The following PEX3 variants were observed in gnomAD, a reference collection of about 807,000 sequenced individuals.
The protein encoded by PEX3 is peroxin-3.
A neutral mutation model predicts 55.8 loss-of-function variants in PEX3; 30 were observed. That is an observed-to-expected ratio of 0.54 (90% CI 0.40 to 0.73). The LOEUF is 0.73. PEX3 is among the 30% of genes least tolerant of loss of function. The probability of loss-of-function intolerance (pLI) is 0.00; values close to 1 mark genes in which losing one functional copy is unlikely to be tolerated. For missense variants in PEX3, 351 were observed against 432.8 expected (o/e 0.81, Z 1.68); for synonymous variants, 135 against 148.4 (o/e 0.91, Z 0.66).
In PEX3 at chr6:143,489,780, C is replaced by T. The variant is rs1780364222; in HGVS notation, c.*554C>T. ...TTTATTCTTATGGAAATAGTGAATT[C>T]CAACAACTATGATGAACTATGTTCT... On this transcript the variant is annotated 3_prime_UTR_variant, in exon 12 of 12. Coordinates refer to ENST00000367591, the MANE Select transcript of PEX3 (RefSeq NM_003630.3). The surrounding 1 kb of genome is among the most constrained non-coding windows in gnomAD (Gnocchi z 5.5). 1 of 151,878 alleles carries T rather than the reference C, an allele frequency of 6.6e-6. No homozygotes were observed. Among genetic ancestry groups the T allele is most frequent in the African/African-American group, 2.4e-5 (1 of 41,384 alleles). The allele number at this position is 151,878 out of a possible 1,614,324, so 9.4% of individuals were successfully genotyped here.
intron 4 of PEX3, among the ~76,000 whole-genome samples, chr6:143,468,794 A>C: frequency 3.2e-5 from 3 of 93,708 alleles, no homozygotes; most frequent in South Asian, 6.4e-4. Context: ...TATATCTCCT[A>C]ATGCTATCCC....
Position 143,465,020 on chromosome 6 carries a change from G to A in PEX3, c.287+2023G>A, listed in dbSNP as rs1779973314. On this transcript the variant is annotated intron_variant, in intron 3 of 11. Transcript: ENST00000367591. This position sits in a 1 kb window ranked among gnomAD's most constrained non-coding sequence, Gnocchi z 4.7. ...GGCACTCTTCTTGAAGACTGATAAT[G>A]GCAATGAAGTTTCAATGGCAAAAAC... 2.6e-5 allele frequency among the ~76,000 whole-genome samples: 4 copies of A among 151,892 alleles called. No homozygotes were observed. The highest frequency in any genetic ancestry group is 2.6e-4 in the Admixed American group (4 of 15,270).
At chr6:143,474,604 A>C (rs956407834) in intron 8 of PEX3, among the ~76,000 whole-genome samples, 182 bp from the exon 9 acceptor site, 1 of 152,132 alleles carries the variant, frequency 6.6e-6, no homozygotes, top group Non-Finnish European at 1.5e-5. Flanking sequence ...CTTAAATTCT[A>C]CTTATTTGCA....
intron 3 of PEX3, 34 bp from the exon 4 acceptor site, chr6:143,468,085 GATT>G (rs919049240): frequency 5.4e-6 from 6 of 1,103,684 alleles, no homozygotes; most frequent in Non-Finnish European, 6.8e-6. Flanking sequence ...AGATTATCTA[GATT>G]ATTATTTTCA....
In PEX3 at chr6:143,474,767, T is replaced by C. The variant is rs764533485; in HGVS notation, c.748-19T>C. The C allele has an allele frequency of 1.4e-6, 2 of 1,383,540 alleles. No homozygotes were observed. The highest frequency in any genetic ancestry group is 2.3e-5 in the East Asian group (1 of 43,746). 85.7% of individuals were successfully genotyped at this position (1,383,540 alleles called of 1,614,324 possible). ...TGCTAATGTTTGAAAACCTTAAGTG[T>C]GACATTTTAATTCTATAGGCCTGTG... On this transcript the variant is annotated intron_variant, in intron 8 of 11. Transcript: ENST00000367591.
intron 2 of PEX3, among the ~76,000 whole-genome samples, chr6:143,460,681 G>A (rs1389359989): frequency 2.0e-5 from 3 of 151,946 alleles, no homozygotes; most frequent in African/African-American, 4.8e-5. Context: ...CCTGACCAAC[G>A]TGGAGAAACC....
rs1291266077 is a variant in PEX3 at position 143,451,146 on chromosome 6, T to G, written c.73+31T>G. The G allele has an allele frequency of 5.6e-6, 8 of 1,421,384 alleles. No individual in the cohort carries two copies. The highest frequency in any genetic ancestry group is 2.3e-5 in the East Asian group (1 of 43,992). The allele number at this position is 1,421,384 out of a possible 1,614,324, so 88.0% of individuals were successfully genotyped here. On this transcript the variant is annotated intron_variant, in intron 1 of 11. Coordinates refer to ENST00000367591, the MANE Select transcript of PEX3 (RefSeq NM_003630.3). The surrounding 1 kb of genome is among the most constrained non-coding windows in gnomAD (Gnocchi z 4.1). ...TGACAACGTGCTTGAAAGGGGGCAT[T>G]GGGAGAAGGGGGTGGGAGAGGTGAC...
In PEX3 at chr6:143,475,979, G is replaced by A. The variant is rs1780148420; in HGVS notation, c.818+1123G>A. Reference sequence around the variant, plus strand: ...CATCCCTACTGGAATGTGTATGTTAGTGGGAGAGAAAAATAATCAACTAAT... The same window carrying A: ...CATCCCTACTGGAATGTGTATGTTAATGGGAGAGAAAAATAATCAACTAAT... On this transcript the variant is annotated intron_variant, in intron 9 of 11. Coordinates refer to ENST00000367591, the MANE Select transcript of PEX3 (RefSeq NM_003630.3). This position sits in a 1 kb window ranked among gnomAD's most constrained non-coding sequence, Gnocchi z 4.4. Among the ~76,000 whole-genome samples the A allele has an allele frequency of 6.6e-6, 1 of 152,236 alleles. No homozygotes were observed. Among genetic ancestry groups the A allele is most frequent in the Admixed American group, 6.5e-5 (1 of 15,292 alleles).
At chr6:143,474,650 G>C in intron 8 of PEX3, 136 bp from the exon 9 acceptor site, 1 of 654,090 alleles carries the variant, frequency 1.5e-6, no homozygotes, top group South Asian at 1.7e-5. Context: ...TTTGGTGGGG[G>C]AGGGTCTAAC....
At chr6:143,457,233 G>A (rs1401236822) in intron 1 of PEX3, among the ~76,000 whole-genome samples, 1 of 152,168 alleles carries the variant, frequency 6.6e-6, no homozygotes, top group Non-Finnish European at 1.5e-5. Context: ...CTGTCATAGA[G>A]TAACTTTGTG....
rs180737767 is a variant in PEX3, at chr6:143,464,020, A to G, written c.287+1023A>G. ...AGAATGCTAGTGATGGGGGTTTTCC[A>G]TTTTAAATTTCTTCATTCTTAGAGG... On this transcript the variant is annotated intron_variant, in intron 3 of 11. Transcript: ENST00000367591. This position sits in a 1 kb window ranked among gnomAD's most constrained non-coding sequence, Gnocchi z 5.8. Among the ~76,000 whole-genome samples, 377 of 152,190 alleles carry G rather than the reference A, an allele frequency of 2.5e-3. No homozygotes were observed. Among genetic ancestry groups the G allele is most frequent in the Non-Finnish European group, 4.0e-3 (269 of 67,940 alleles).
chr6:143,469,985 C>G (rs1013303770), intron 4 of PEX3, among the ~76,000 whole-genome samples: 2 of 152,216 alleles, frequency 1.3e-5, no homozygotes, highest in South Asian at 4.1e-4. Flanking sequence ...GAGTCTTGCT[C>G]TGTTGCCAGG....
In PEX3 at chr6:143,476,745, G is replaced by A. The variant is rs1780158823; in HGVS notation, c.818+1889G>A. On this transcript the variant is annotated intron_variant, in intron 9 of 11. Transcript: ENST00000367591. The surrounding 1 kb of genome is among the most constrained non-coding windows in gnomAD (Gnocchi z 5.4). Reference sequence around the variant, plus strand: ...TTGGCAGTGTTAAGCATATCCAAGTGGATATGCCTATTGGCAATTGAATAT... The same window carrying A: ...TTGGCAGTGTTAAGCATATCCAAGTAGATATGCCTATTGGCAATTGAATAT... Among the ~76,000 whole-genome samples the A allele has an allele frequency of 6.6e-6, 1 of 152,156 alleles. No homozygotes were observed. Among genetic ancestry groups the A allele is most frequent in the Admixed American group, 6.5e-5 (1 of 15,276 alleles).
At position 143,465,683 on chromosome 6, in the gene PEX3, G is replaced by T. The variant is rs1002097580; in HGVS notation, c.288-2439G>T. On this transcript the variant is annotated intron_variant, in intron 3 of 11. Coordinates refer to ENST00000367591, the MANE Select transcript of PEX3 (RefSeq NM_003630.3). This position sits in a 1 kb window ranked among gnomAD's most constrained non-coding sequence, Gnocchi z 4.7. ...TTGTGGTTGATTCCCAGTTTAATCCGAATACATATGACATTCTGCCGTGAG... is the reference window on the plus strand; with the variant it reads ...TTGTGGTTGATTCCCAGTTTAATCCTAATACATATGACATTCTGCCGTGAG... Among the ~76,000 whole-genome samples, 1 of 151,930 alleles carries T rather than the reference G, an allele frequency of 6.6e-6. No homozygotes were observed. The highest frequency in any genetic ancestry group is 1.5e-5 in the Non-Finnish European group (1 of 67,896).
chr6:143,458,702 C>T lies in PEX3; in HGVS notation c.74-383C>T, dbSNP rs1250518389. Among the ~76,000 whole-genome samples the T allele has an allele frequency of 6.6e-6, 1 of 152,102 alleles. No homozygotes were observed. The highest frequency in any genetic ancestry group is 2.1e-4 in the South Asian group (1 of 4,826). Reference sequence around the variant, plus strand: ...GTATAACATGGATATTTCCTTGAGTCATTATTTAGCAATGTGGTTTTTAAT... The same window carrying T: ...GTATAACATGGATATTTCCTTGAGTTATTATTTAGCAATGTGGTTTTTAAT... On this transcript the variant is annotated intron_variant, in intron 1 of 11. Coordinates refer to ENST00000367591, the MANE Select transcript of PEX3 (RefSeq NM_003630.3). The surrounding 1 kb of genome is among the most constrained non-coding windows in gnomAD (Gnocchi z 6.1).
rs1779802360 is a variant in PEX3, at chr6:143,453,473, G to C, written c.73+2358G>C. On this transcript the variant is annotated intron_variant, in intron 1 of 11. Coordinates refer to ENST00000367591, the MANE Select transcript of PEX3 (RefSeq NM_003630.3). This position sits in a 1 kb window ranked among gnomAD's most constrained non-coding sequence, Gnocchi z 4.6. Reference sequence around the variant, plus strand: ...GTTTGTATAATTTGACCAGTTTGGGGGGTTTGGGTGTGTTCGGGTTTTGTG... The same window carrying C: ...GTTTGTATAATTTGACCAGTTTGGGCGGTTTGGGTGTGTTCGGGTTTTGTG... 6.6e-6 allele frequency among the ~76,000 whole-genome samples: 1 copy of C among 151,998 alleles called. No individual in the cohort carries two copies. Among genetic ancestry groups the C allele is most frequent in the South Asian group, 2.1e-4 (1 of 4,804 alleles).
chr6:143,466,403 C>A lies in PEX3; in HGVS notation c.288-1719C>A, dbSNP rs1366179515. Reference sequence around the variant, plus strand: ...CATCAGATTGGATGTTGAGGTATTGCAGTGCTTTGTTTTTAAGGAACCTTT... The same window carrying A: ...CATCAGATTGGATGTTGAGGTATTGAAGTGCTTTGTTTTTAAGGAACCTTT... On this transcript the variant is annotated intron_variant, in intron 3 of 11. Transcript: ENST00000367591. The surrounding 1 kb of genome is among the most constrained non-coding windows in gnomAD (Gnocchi z 5.4). Among the ~76,000 whole-genome samples the A allele has an allele frequency of 2.0e-5, 3 of 152,028 alleles. No homozygotes were observed. Among genetic ancestry groups the A allele is most frequent in the Non-Finnish European group, 2.9e-5 (2 of 67,936 alleles).
intron 9 of PEX3, among the ~76,000 whole-genome samples, chr6:143,477,972 C>G (rs1204579915): frequency 1.3e-5 from 2 of 152,052 alleles, no homozygotes; most frequent in Non-Finnish European, 2.9e-5. Context: ...AAAACTTGTT[C>G]AGATTTTTCA....
In PEX3 at chr6:143,489,009, T is replaced by C; in HGVS notation, c.1039-134T>C. The C allele has an allele frequency of 1.5e-6, 1 of 650,614 alleles. No individual in the cohort carries two copies. The highest frequency in any genetic ancestry group is 2.8e-6 in the Non-Finnish European group (1 of 358,618). The allele number at this position is 650,614 out of a possible 1,614,324, so 40.3% of individuals were successfully genotyped here. Reference sequence around the variant, plus strand: ...TAGAATTTATTACAAGAAAAACTACTCATTTTCTTAAATGGTTTGCCTCTT... The same window carrying C: ...TAGAATTTATTACAAGAAAAACTACCCATTTTCTTAAATGGTTTGCCTCTT... On this transcript the variant is annotated intron_variant, in intron 11 of 11. Transcript: ENST00000367591. This position sits in a 1 kb window ranked among gnomAD's most constrained non-coding sequence, Gnocchi z 5.5.
Sources: allele counts gnomAD v4.1 joint callset (sites outside exome capture counted in the v4.1 genomes callset), GRCh38; gene constraint gnomAD v4.1.1; non-coding constraint Gnocchi (gnomAD v3.1); transcripts MANE v1.5; gene names NCBI Gene and HGNC (gene_info 2026-07-23, HGNC 2026-07-21).